Variants in CACNA1A observed in about 807,000 individuals in gnomAD.
CACNA1A encodes calcium voltage-gated channel subunit alpha1 A.
A neutral mutation model predicts 262.4 loss-of-function variants in CACNA1A; 57 were observed. The ratio of observed to expected loss-of-function variants is 0.22; its 90% CI spans 0.18 to 0.27. The LOEUF is 0.27. Ranked by LOEUF, CACNA1A falls within the 10% of genes least tolerant of loss-of-function variation. CACNA1A has a pLI of 1.00. For synonymous variants in CACNA1A, 1,431 were observed against 1,419.3 expected (o/e 1.01, Z -0.18); for missense variants, 2,526 against 3,562.8 (o/e 0.71, Z 7.41).
At chr19:13,323,073 A>T (rs2058287632) in intron 10 of CACNA1A, among the ~76,000 whole-genome samples, 1 of 152,122 alleles carries the variant, frequency 6.6e-6, no homozygotes, top group South Asian at 2.1e-4. Context: ...GGAATTCAAG[A>T]CCAGCCTGAC....
intron 22 of CACNA1A, among the ~76,000 whole-genome samples, chr19:13,281,943 C>T (rs905537210): frequency 2.0e-5 from 3 of 152,222 alleles, no homozygotes; most frequent in Non-Finnish European, 2.9e-5. Context: ...CCCTCCCTGC[C>T]GAAGGCAACG....
In CACNA1A at chr19:13,368,981, T is replaced by C. The variant is rs529912013; in HGVS notation, c.631+2707A>G. 4.6e-5 allele frequency among the ~76,000 whole-genome samples: 6 copies of C among 131,290 alleles called. No homozygotes were observed. In the South Asian group the frequency reaches 1.4e-3, roughly 30 times the overall value. 86.1% of individuals were successfully genotyped at this position (131,290 alleles called of 152,430 possible). ...TGAACCCGGGAGGCGGAGCTTGCAG[T>C]GAGCCGAGATCTCGCCACTGCACTC... On this transcript the variant is annotated intron_variant, in intron 4 of 46. Transcript: ENST00000360228.
rs550117545 is a variant in CACNA1A, at chr19:13,209,878, C to A, written c.6340-380G>T. Among the ~76,000 whole-genome samples, 4 of 152,272 alleles carry A rather than the reference C, an allele frequency of 2.6e-5. No individual in the cohort carries two copies. In the East Asian group the frequency reaches 7.7e-4, roughly 29 times the overall value. ...CACATCCAGGGTGCAAACCTGGGAG[C>A]CCTGGACTGCCGCACTCATCCCTGC... is the stretch of plus-strand genomic sequence containing the variant. On this transcript the variant is annotated intron_variant, in intron 44 of 46. Transcript: ENST00000360228.
At position 13,317,229 on chromosome 19, in the gene CACNA1A, G is replaced by A. The variant is rs1189054127; in HGVS notation, c.1438C>T (p.Arg480Cys). The change falls in exon 11 of 47, where the codon CGC becomes TGC. Residue 480 changes from arginine (R) to cysteine (C), a missense_variant. Around this residue, in one of 17 missense-constraint regions of CACNA1A, gnomAD observed 104 missense variants for 127.6 expected, o/e 0.81. Transcript: ENST00000360228. ...AAGGCCTGAGTTTTGACCATGCGGCGGATGTAGAAACGCATCCTCCTCTCC... is the reference window on the plus strand; with the variant it reads ...AAGGCCTGAGTTTTGACCATGCGGCAGATGTAGAAACGCATCCTCCTCTCC... ...KKERRMRFYI[R>C]RMVKTQAFYW... is the part of the protein sequence containing the mutation. 17 of 1,613,516 alleles carry A rather than the reference G, an allele frequency of 1.1e-5. No homozygotes were observed. The East Asian group carries it at 1.1e-4, about 11-fold the overall frequency.
chr19:13,224,588 C>T, intron 38 of CACNA1A, 79 bp downstream of exon 38: 1 of 911,422 alleles, frequency 1.1e-6, no homozygotes, highest in Non-Finnish European at 1.8e-6. Flanking sequence ...ACAGCAGATC[C>T]TCTAGTTTGG....
At position 13,208,904 on chromosome 19, in the gene CACNA1A, T is replaced by TGGTGCTGTC. The variant is rs1305974321; in HGVS notation, c.6623_6631dup (p.Arg2208_His2210dup). 3.3e-6 allele frequency: 5 copies of TGGTGCTGTC among 1,535,612 alleles called. No homozygotes were observed. Among genetic ancestry groups the TGGTGCTGTC allele is most frequent in the Non-Finnish European group, 4.4e-6 (5 of 1,146,642 alleles). On this transcript the variant is annotated inframe_insertion, in exon 46 of 47. Transcript: ENST00000360228. ...ATGGTGGTGGTGGTGGTGGTGGTGG[T>TGGTGCTGTC]GGTGCTGTCGATGCTTCCGATCCTT...
Position 13,257,527 on chromosome 19 carries a change from G to A in CACNA1A, c.4413C>T (p.Ala1471=). 6.3e-7 allele frequency: 1 copy of A among 1,588,304 alleles called. No individual in the cohort carries two copies. Among genetic ancestry groups the A allele is most frequent in the Non-Finnish European group, 8.6e-7 (1 of 1,166,546 alleles). Residue 1471 remains alanine (A), a synonymous_variant, in exon 28 of 47, where the codon GCC becomes GCT. Transcript: ENST00000360228. ...GGCTGGGGCCCTGGTTCTCAAAGGT[G>A]GCGTCCACCGAATGCTTGAGGACCC... ...WPQVLKHSVD[A]TFENQGPSPG...
intron 22 of CACNA1A, among the ~76,000 whole-genome samples, chr19:13,280,940 CAAAAAAAA>C (rs59445149): frequency 2.4e-5 from 2 of 82,382 alleles, no homozygotes; most frequent in Non-Finnish European, 4.9e-5. Context: ...GACTCCATCT[CAAAAAAAA>C]AAAAAAAAAA....
At chr19:13,290,589 T>A (rs1380581068) in intron 19 of CACNA1A, among the ~76,000 whole-genome samples, 1 of 151,950 alleles carries the variant, frequency 6.6e-6, no homozygotes, top group Non-Finnish European at 1.5e-5. Context: ...TTTTATTAAT[T>A]TTTGTAGAGA....
chr19:13,346,637 TATATATATATATATATATATATATATA>T (rs1568557117), intron 6 of CACNA1A, among the ~76,000 whole-genome samples: 21 of 5,330 alleles, frequency 3.9e-3, no homozygotes, highest in Non-Finnish European at 7.3e-3. Flanking sequence ...TATATATATA[TATATATATATATATATATATATATATA>T]TATTTTTTTT....
intron 3 of CACNA1A, among the ~76,000 whole-genome samples, chr19:13,446,318 T>C (rs1378745306): frequency 2.0e-5 from 3 of 150,568 alleles, no homozygotes; most frequent in Admixed American, 2.0e-4. Context: ...GTCAAATTAA[T>C]ATATTTGAGT....
At chr19:13,434,006 C>T (rs1015272212) in intron 3 of CACNA1A, among the ~76,000 whole-genome samples, 2 of 152,188 alleles carry the variant, frequency 1.3e-5, no homozygotes, top group Non-Finnish European at 1.5e-5. Context: ...ACTTCCTAGC[C>T]GTGTGGCTTG....
chr19:13,410,605 GC>G (rs1439780171), intron 3 of CACNA1A, among the ~76,000 whole-genome samples: 1 of 141,848 alleles, frequency 7.0e-6, no homozygotes, highest in Non-Finnish European at 1.5e-5. Flanking sequence ...GCTAACACAT[GC>G]CCCATCTCTC....
chr19:13,261,701 G>A (rs1022804399), intron 25 of CACNA1A, 91 bp from the exon 26 acceptor site: 3 of 1,262,570 alleles, frequency 2.4e-6, no homozygotes, highest in African/African-American at 3.0e-5. Flanking sequence ...ATACTGCCAT[G>A]ATCATTCCCA....
intron 31 of CACNA1A, among the ~76,000 whole-genome samples, chr19:13,242,885 G>C (rs927207908): frequency 2.6e-5 from 4 of 152,156 alleles, no homozygotes; most frequent in Non-Finnish European, 5.9e-5. Flanking sequence ...TGGTAGGGAG[G>C]GCTGGGGGCT....
At position 13,481,867 on chromosome 19, in the gene CACNA1A, C is replaced by T. The variant is rs375936931; in HGVS notation, c.293+24065G>A. Among the ~76,000 whole-genome samples, 22 of 152,150 alleles carry T rather than the reference C, an allele frequency of 1.4e-4. No homozygotes were observed. In the East Asian group the frequency reaches 3.1e-3, roughly 21 times the overall value. On this transcript the variant is annotated intron_variant, in intron 1 of 46. Transcript: ENST00000360228. ...AGCGATCACTTGCTTTCTGTTCTGA[C>T]TCCATCAAGGCATCTTTCCCCACCC...
intron 17 of CACNA1A, among the ~76,000 whole-genome samples, chr19:13,301,120 A>ATT (rs34756816): frequency 3.8e-4 from 54 of 141,014 alleles, no homozygotes; most frequent in Non-Finnish European, 5.3e-4. Flanking sequence ...TATACATTTA[A>ATT]TTTTTTTTTT....
Position 13,207,408 on chromosome 19 carries a change from A to T in CACNA1A, c.7426T>A (p.Tyr2476Asn), listed in dbSNP as rs779631503. ...CTGGCCAGTCCGTGCGCCGGGTAGT[A>T]GCCGTTGGGGAGTCGCCGGCCGTGC... ...SRHGRRLPNG[Y>N]YPAHGLARPR... The change falls in exon 47 of 47, where the codon TAC becomes AAC. Residue 2476 changes from tyrosine (Y) to asparagine (N), a missense_variant. By Grantham distance (143) the Tyr-to-Asn change is moderately radical. This residue lies in a region of CACNA1A where 929 missense variants were observed against 868.1 expected (regional missense o/e 1.07). Transcript: ENST00000360228. The surrounding 1 kb of genome is among the most constrained non-coding windows in gnomAD (Gnocchi z 5.7). 5.2e-6 allele frequency: 8 copies of T among 1,534,192 alleles called. 1 individual carries two copies. In the African/African-American group the frequency reaches 1.1e-4, roughly 21 times the overall value.
At chr19:13,259,840 C>T in intron 26 of CACNA1A, 139 bp from the exon 27 acceptor site, 1 of 799,862 alleles carries the variant, frequency 1.3e-6, no homozygotes, top group Non-Finnish European at 2.0e-6. Flanking sequence ...GACTCCCCAT[C>T]CTGCCACCAT....
Sources: allele counts gnomAD v4.1 joint callset (sites outside exome capture counted in the v4.1 genomes callset), GRCh38; gene constraint gnomAD v4.1.1; regional missense constraint gnomAD v4.1.1; non-coding constraint Gnocchi (gnomAD v3.1); transcripts MANE v1.5; gene names NCBI Gene and HGNC (gene_info 2026-07-23, HGNC 2026-07-21).